Variants in EDEM1 observed in about 807,000 individuals in gnomAD.
The protein encoded by EDEM1 is ER degradation enhancing alpha-mannosidase like protein 1.
EDEM1 carries 67 observed loss-of-function variants against 74.4 expected under a neutral mutation model. The observed-to-expected ratio is 0.90, with a 90% CI of 0.74 to 1.10. The LOEUF (loss-of-function observed/expected upper bound fraction) is 1.10. Among genes scored for constraint, EDEM1 ranks in the 50% least tolerant of loss-of-function variants. The pLI is 0.00. For synonymous variants in EDEM1, 382 were observed against 335.9 expected (o/e 1.14, Z -1.50); for missense variants, 926 against 851.6 (o/e 1.09, Z -1.09).
chr3:5,205,846 A>G (rs1187380500), intron 6 of EDEM1, among the ~76,000 whole-genome samples: 1 of 151,918 alleles, frequency 6.6e-6, no homozygotes, highest in African/African-American at 2.4e-5. Context: ...TCAAAATGAT[A>G]CATTCAGTGT....
At chr3:5,193,489 AT>A (rs1164807936) in intron 1 of EDEM1, among the ~76,000 whole-genome samples, 2 of 152,092 alleles carry the variant, frequency 1.3e-5, no homozygotes, top group Non-Finnish European at 2.9e-5. Context: ...AACAGGTACA[AT>A]TTTCCAGCCA....
rs2055192409 is a variant in EDEM1 at position 5,213,464 on chromosome 3, G to T, written c.1826G>T (p.Gly609Val). 6.2e-7 allele frequency: 1 copy of T among 1,614,062 alleles called. No individual in the cohort carries two copies. The highest frequency in any genetic ancestry group is 8.5e-7 in the Non-Finnish European group (1 of 1,179,950). ...FSEEGGQDQG[G>V]KSVHRPKPHE... is the part of the protein sequence containing the mutation. ...GAAGAGGGAGGGCAGGACCAAGGGG[G>T]AAAGTCTGTGCACAGGCCGAAACCT... Residue 609 changes from glycine to valine, a missense_variant, in exon 11 of 12, where the codon GGA (glycine) becomes GTA (valine). By Grantham distance (109) the Gly-to-Val change is moderately radical (BLOSUM62 -3). Transcript: ENST00000256497.
chr3:5,200,233 C>T (rs1377786810), intron 3 of EDEM1, among the ~76,000 whole-genome samples: 2 of 152,136 alleles, frequency 1.3e-5, no homozygotes, highest in African/African-American at 4.8e-5. Flanking sequence ...TGCCTGGGTA[C>T]ATTTATGTTT....
intron 2 of EDEM1, among the ~76,000 whole-genome samples, chr3:5,196,856 CA>C (rs149504958): frequency 0.016 from 2,400 of 152,048 alleles, 70 homozygotes; most frequent in African/African-American, 0.055. Context: ...TCCTAAGACT[CA>C]ATGTATAGCT....
intron 2 of EDEM1, among the ~76,000 whole-genome samples, chr3:5,199,296 A>G (rs2055007053): frequency 6.6e-6 from 1 of 152,276 alleles, no homozygotes; most frequent in Admixed American, 6.5e-5. Flanking sequence ...AAATAAGATC[A>G]TAGTGAAGTT....
chr3:5,208,331 TG>T (rs2055124988), intron 8 of EDEM1, 68 bp downstream of exon 8: 1 of 1,551,196 alleles, frequency 6.4e-7, no homozygotes, highest in African/African-American at 1.4e-5. Context: ...TCATTCTTAA[TG>T]AACATTTGCT....
rs1372879196 is a variant in EDEM1, at chr3:5,200,591, A to G, written c.686+896A>G. Among the ~76,000 whole-genome samples the G allele has an allele frequency of 2.0e-5, 3 of 152,346 alleles. No homozygotes were observed. In the East Asian group the frequency reaches 5.8e-4, roughly 29 times the overall value. The stretch of plus-strand genomic sequence containing the variant: ...ATCTTTTGAAAATTGTATCAACTGC[A>G]TAACATTCCAGTTCACAGATGTAAT... On this transcript the variant is annotated intron_variant, in intron 3 of 11. Transcript: ENST00000256497.
chr3:5,215,341 T>C (rs182243717), intron 11 of EDEM1, among the ~76,000 whole-genome samples: 1 of 152,152 alleles, frequency 6.6e-6, no homozygotes, highest in East Asian at 1.9e-4. Context: ...ATTTAGAGTT[T>C]AGTGAGTTGT....
At chr3:5,194,271 CTT>C (rs1387829147) in intron 1 of EDEM1, among the ~76,000 whole-genome samples, 1 of 152,210 alleles carries the variant, frequency 6.6e-6, no homozygotes, top group African/African-American at 2.4e-5. Flanking sequence ...TATGTCTTCT[CTT>C]ACTATCATTT....
intron 9 of EDEM1, 83 bp from the exon 10 acceptor site, chr3:5,211,037 G>A (rs1575591604): frequency 1.6e-6 from 2 of 1,245,056 alleles, no homozygotes; most frequent in East Asian, 4.7e-5. Flanking sequence ...TGATTATTCT[G>A]ATAAGAGAAT....
chr3:5,187,979 G>A lies in EDEM1; in HGVS notation c.174G>A (p.Gly58=). The part of the protein sequence containing the change: ...SPDGPASPTS[G]PVGRPGGVSG... Reference sequence around the variant, plus strand: ...ACGGCCCCGCGTCGCCCACCTCGGGGCCCGTGGGCCGGCCTGGGGGGGTAT... The same window carrying A: ...ACGGCCCCGCGTCGCCCACCTCGGGACCCGTGGGCCGGCCTGGGGGGGTAT... The change falls in exon 1 of 12, where the codon GGG becomes GGA. Residue 58 remains glycine, a synonymous_variant. Coordinates refer to ENST00000256497, the MANE Select transcript of EDEM1 (RefSeq NM_014674.3). 6.5e-7 allele frequency: 1 copy of A among 1,541,528 alleles called. No homozygotes were observed. Among genetic ancestry groups the A allele is most frequent in the Non-Finnish European group, 8.7e-7 (1 of 1,147,154 alleles).
Position 5,195,247 on chromosome 3 carries a change from C to T in EDEM1, c.548C>T (p.Ser183Leu). The T allele has an allele frequency of 6.4e-7, 1 of 1,568,830 alleles. No individual in the cohort carries two copies. Among genetic ancestry groups the T allele is most frequent in the Non-Finnish European group, 8.6e-7 (1 of 1,157,808 alleles). The change falls in exon 2 of 12, where the codon TCA becomes TTA. Residue 183 changes from serine to leucine, a missense_variant. By Grantham distance (145) the Ser-to-Leu change is moderately radical (BLOSUM62 -2). Coordinates refer to ENST00000256497, the MANE Select transcript of EDEM1 (RefSeq NM_014674.3). ...LNINDVLGNY[S>L]LTLVDALDTL... ...ATCAATGATGTACTAGGGAACTACTCATTGACTCTTGTTGATGCATTGGAT... is the reference window on the plus strand; with the variant it reads ...ATCAATGATGTACTAGGGAACTACTTATTGACTCTTGTTGATGCATTGGAT...
chr3:5,201,625 C>T, intron 3 of EDEM1, 128 bp from the exon 4 acceptor site: 1 of 1,014,276 alleles, frequency 9.9e-7, no homozygotes, highest in Non-Finnish European at 1.5e-6. Context: ...TCCATTAAGT[C>T]AGGTCTCTCT....
rs2055262024 is a variant in EDEM1, at chr3:5,217,972, CGGCAGTGGT to C, written c.*2057_*2065del. On this transcript the variant is annotated 3_prime_UTR_variant, in exon 12 of 12. Transcript: ENST00000256497. ...TCCTCTCCCGCTCTGGCTTCTGTGG[CGGCAGTGGT>C]GGGTAAGCACTCCAGTGTTCTCTTA... The C allele has an allele frequency of 6.6e-6, 1 of 152,246 alleles. No homozygotes were observed. Among genetic ancestry groups the C allele is most frequent in the Non-Finnish European group, 1.5e-5 (1 of 68,054 alleles). 9.4% of individuals were successfully genotyped at this position (152,246 alleles called of 1,614,324 possible).
intron 2 of EDEM1, 47 bp downstream of exon 2, chr3:5,195,328 G>T: frequency 7.9e-7 from 1 of 1,271,140 alleles, no homozygotes; most frequent in Non-Finnish European, 1.1e-6. Flanking sequence ...ATGTTTTAGA[G>T]TTGATTATCC....
At chr3:5,201,440 G>A (rs1461302061) in intron 3 of EDEM1, among the ~76,000 whole-genome samples, 11 of 152,098 alleles carry the variant, frequency 7.2e-5, no homozygotes, top group South Asian at 4.2e-4. Flanking sequence ...GTGAGCCACC[G>A]CACCCAGCCA....
At chr3:5,191,676 T>C (rs1224309971) in intron 1 of EDEM1, among the ~76,000 whole-genome samples, 1 of 152,248 alleles carries the variant, frequency 6.6e-6, no homozygotes, top group Non-Finnish European at 1.5e-5. Context: ...TAGTCATATA[T>C]GCTCCAAACT....
chr3:5,205,116 C>T lies in EDEM1; in HGVS notation c.1092C>T (p.Gly364=). 2 of 1,614,178 alleles carry T rather than the reference C, an allele frequency of 1.2e-6. No homozygotes were observed. Among genetic ancestry groups the T allele is most frequent in the Non-Finnish European group, 1.7e-6 (2 of 1,180,028 alleles). Residue 364 remains glycine, a synonymous_variant, in exon 6 of 12, where the codon GGC becomes GGT. Coordinates refer to ENST00000256497, the MANE Select transcript of EDEM1 (RefSeq NM_014674.3). ...GCCACTGGGTTGGAAAGCAGAGTGG[C>T]CTGGGTGCCGGGCTGGACTCCTTCT... ...QTGHWVGKQS[G]LGAGLDSFYE...
chr3:5,214,490 T>G (rs2055206938), intron 11 of EDEM1, among the ~76,000 whole-genome samples: 1 of 152,120 alleles, frequency 6.6e-6, no homozygotes. Flanking sequence ...GAGCGCTGAT[T>G]GAGTGGACAA....
Sources: allele counts gnomAD v4.1 joint callset (sites outside exome capture counted in the v4.1 genomes callset), GRCh38; gene constraint gnomAD v4.1.1; transcripts MANE v1.5; gene names NCBI Gene and HGNC (gene_info 2026-07-23, HGNC 2026-07-21).